NALF2: variants seen among roughly 807,000 people sequenced by gnomAD.
The protein encoded by NALF2 is NALCN channel auxiliary factor 2.
NALF2 carries 1 observed loss-of-function variant against 24.8 expected under a neutral mutation model. The ratio of observed to expected loss-of-function variants is 0.04; its 90% confidence interval spans 0.01 to 0.19. The LOEUF (loss-of-function observed/expected upper bound fraction) is 0.19, where lower values mean the gene tolerates loss of function less well. Ranked by LOEUF, NALF2 falls within the 10% of genes least tolerant of loss-of-function variation. The pLI is 1.00. For synonymous variants in NALF2, 254 were observed against 189.8 expected, an observed-to-expected ratio of 1.34 and a Z score of -2.78; for missense variants, 458 against 409.6, an observed-to-expected ratio of 1.12 and a Z score of -1.02.
chrX:69,508,135 T>C (rs1569257607), intron 1 of NALF2, among the ~76,000 whole-genome samples: 1 of 111,995 alleles, frequency 8.9e-6, no homozygotes, highest in Non-Finnish European at 1.9e-5. Context: ...TCATCCTTGC[T>C]CTGCCCACAT....
rs1438308196 is a variant in NALF2, at chrX:69,505,233, C to T, written c.-50C>T. The T allele has an allele frequency of 1.8e-6, 2 of 1,093,207 alleles. No homozygotes were observed. The highest frequency in any genetic ancestry group is 3.7e-5 in the Admixed American group (1 of 26,806). The allele number at this position is 1,093,207 out of a possible 1,213,427, so 90.1% of individuals were successfully genotyped here. A position where few individuals can be genotyped will look rare whatever the true frequency, so the allele number is the denominator to read the frequency against. On this transcript the variant is annotated 5_prime_UTR_variant, in exon 1 of 3. Coordinates refer to ENST00000252338, the MANE Select transcript of NALF2 (RefSeq NM_015686.3). The stretch of plus-strand genomic sequence containing the variant: ...GCGCAGCCCGCCCGCCCCAGACGGC[C>T]GTCTGGCCTCGCGCCTGCCTGTTCC...
chrX:69,524,443 A>G (rs1204719018), intron 1 of NALF2, among the ~76,000 whole-genome samples: 1 of 111,618 alleles, frequency 9.0e-6, no homozygotes, highest in East Asian at 2.8e-4. Flanking sequence ...ATATGCAGCC[A>G]GAGTTGAGAT....
At chrX:69,513,099 G>A (rs1304161059) in intron 1 of NALF2, among the ~76,000 whole-genome samples, 4 of 111,640 alleles carry the variant, frequency 3.6e-5, no homozygotes, top group Non-Finnish European at 5.6e-5. Flanking sequence ...TCGCCTGGAG[G>A]GAAGGTATCT....
At position 69,530,354 on chromosome X, in the gene NALF2, T is replaced by G; in HGVS notation, c.*398T>G. On this transcript the variant is annotated 3_prime_UTR_variant, in exon 3 of 3. Coordinates refer to ENST00000252338, the MANE Select transcript of NALF2 (RefSeq NM_015686.3). ...GGGGGGCACAGAGGGGAGAAGCTCT[T>G]TCCCCCACTCCACATTCCTTTTGTT... is the stretch of plus-strand genomic sequence containing the variant. The G allele has an allele frequency of 6.7e-6, 1 of 149,295 alleles. No homozygotes were observed. The highest frequency in any genetic ancestry group is 1.3e-5 in the Non-Finnish European group (1 of 76,768). 12.3% of individuals were successfully genotyped at this position (149,295 alleles called of 1,213,427 possible). A position where few individuals can be genotyped will look rare whatever the true frequency, so the allele number is the denominator to read the frequency against.
At chrX:69,525,050 A>G (rs1424846469) in intron 1 of NALF2, among the ~76,000 whole-genome samples, 1 of 110,352 alleles carries the variant, frequency 9.1e-6, no homozygotes, top group Non-Finnish European at 1.9e-5. Flanking sequence ...GAAAGGCCAC[A>G]CTCCCAATGT....
In NALF2 at chrX:69,505,241, C is replaced by T. The variant is rs1930440477; in HGVS notation, c.-42C>T. 9.0e-7 allele frequency: 1 copy of T among 1,107,550 alleles called. No homozygotes were observed. Among genetic ancestry groups the T allele is most frequent in the Non-Finnish European group, 1.2e-6 (1 of 846,800 alleles). The allele number at this position is 1,107,550 out of a possible 1,213,427, so 91.3% of individuals were successfully genotyped here. A position where few individuals can be genotyped will look rare whatever the true frequency, so the allele number is the denominator to read the frequency against. On this transcript the variant is annotated 5_prime_UTR_variant, in exon 1 of 3. Coordinates refer to ENST00000252338, the MANE Select transcript of NALF2 (RefSeq NM_015686.3). ...CGCCCGCCCCAGACGGCCGTCTGGC[C>T]TCGCGCCTGCCTGTTCCCTCCAGCC...
Position 69,505,206 on chromosome X carries a change from G to A in NALF2, c.-77G>A. The A allele has an allele frequency of 9.8e-7, 1 of 1,020,315 alleles. No individual in the cohort carries two copies. Among genetic ancestry groups the A allele is most frequent in the Non-Finnish European group, 1.3e-6 (1 of 775,423 alleles). The allele number at this position is 1,020,315 out of a possible 1,213,427, so 84.1% of individuals were successfully genotyped here. A position where few individuals can be genotyped will look rare whatever the true frequency, so the allele number is the denominator to read the frequency against. ...GGACGGCGCCGAGGAGCGCAGAGCGGCGCGCAGCCCGCCCGCCCCAGACGG... is the reference window on the plus strand; with the variant it reads ...GGACGGCGCCGAGGAGCGCAGAGCGACGCGCAGCCCGCCCGCCCCAGACGG... On this transcript the variant is annotated 5_prime_UTR_variant, in exon 1 of 3. Coordinates refer to ENST00000252338, the MANE Select transcript of NALF2 (RefSeq NM_015686.3).
In NALF2 at chrX:69,505,225, C is replaced by T. The variant is rs1229980297; in HGVS notation, c.-58C>T. 8 of 1,082,443 alleles carry T rather than the reference C, an allele frequency of 7.4e-6. No homozygotes were observed. The African/African-American group carries it at 8.0e-5, about 11-fold the overall frequency. The allele number at this position is 1,082,443 out of a possible 1,213,427, so 89.2% of individuals were successfully genotyped here. On this transcript the variant is annotated 5_prime_UTR_variant, in exon 1 of 3. Transcript: ENST00000252338. The stretch of plus-strand genomic sequence containing the variant: ...AGAGCGGCGCGCAGCCCGCCCGCCC[C>T]AGACGGCCGTCTGGCCTCGCGCCTG...
At chrX:69,526,091 G>A (rs1030868123) in intron 1 of NALF2, among the ~76,000 whole-genome samples, 2 of 112,131 alleles carry the variant, frequency 1.8e-5, no homozygotes, top group Non-Finnish European at 3.8e-5. Flanking sequence ...TCACTGGAGC[G>A]TTGTTCATAA....
At chrX:69,512,785 A>G (rs1196038134) in intron 1 of NALF2, among the ~76,000 whole-genome samples, 2 of 111,292 alleles carry the variant, frequency 1.8e-5, no homozygotes, top group African/African-American at 6.6e-5. Context: ...CAGTGCACAG[A>G]TGCATGAAGA....
intron 1 of NALF2, among the ~76,000 whole-genome samples, chrX:69,508,956 G>C (rs1323442980): frequency 8.9e-6 from 1 of 112,526 alleles, no homozygotes; most frequent in Non-Finnish European, 1.9e-5. Context: ...CCTGTACTGA[G>C]TGCATCAGTT....
At chrX:69,514,239 C>T (rs1193536754) in intron 1 of NALF2, among the ~76,000 whole-genome samples, 8 of 110,053 alleles carry the variant, frequency 7.3e-5, no homozygotes, top group Admixed American at 6.7e-4. Context: ...CTTCCAGCCC[C>T]TGGTAAGCAT....
chrX:69,517,052 G>T (rs1185789231), intron 1 of NALF2, among the ~76,000 whole-genome samples: 2 of 111,350 alleles, frequency 1.8e-5, no homozygotes, highest in Non-Finnish European at 3.8e-5. Flanking sequence ...GGCTTCAGTG[G>T]TTGTAGTGAA....
intron 2 of NALF2, 151 bp downstream of exon 2, chrX:69,529,315 G>T: frequency 1.3e-6 from 1 of 765,378 alleles, no homozygotes; most frequent in Non-Finnish European, 1.8e-6. Flanking sequence ...CCCAGGTTGG[G>T]ATAGGGCCAA....
chrX:69,526,064 T>G (rs1930803180), intron 1 of NALF2, among the ~76,000 whole-genome samples: 1 of 112,164 alleles, frequency 8.9e-6, no homozygotes, highest in Non-Finnish European at 1.9e-5. Context: ...GTGTGAGAGA[T>G]GTGTGTATAA....
intron 1 of NALF2, among the ~76,000 whole-genome samples, chrX:69,511,134 T>A (rs1930575838): frequency 9.2e-6 from 1 of 109,056 alleles, no homozygotes; most frequent in Admixed American, 9.7e-5. Context: ...CTGCCCCTCC[T>A]GACAGTTATC....
rs1930454294 is a variant in NALF2, at chrX:69,505,572, T to TGCC, written c.293_295dup (p.Pro98dup). ...CAGCCGGTGCCTCCTCGCGCGGTGC[T>TGCC]GCCGCTGCCGCCGCCGCCGCCCGGC... On this transcript the variant is annotated inframe_insertion, in exon 1 of 3. Transcript: ENST00000252338. The TGCC allele has an allele frequency of 9.9e-7, 1 of 1,009,383 alleles. No homozygotes were observed. Among genetic ancestry groups the TGCC allele is most frequent in the Non-Finnish European group, 1.2e-6 (1 of 805,789 alleles). 83.2% of individuals were successfully genotyped at this position (1,009,383 alleles called of 1,213,427 possible).
At chrX:69,518,405 CTATATA>C (rs1024085258) in intron 1 of NALF2, among the ~76,000 whole-genome samples, 1 of 109,748 alleles carries the variant, frequency 9.1e-6, no homozygotes. Context: ...CATGTACAAG[CTATATA>C]TATATATACA....
intron 1 of NALF2, among the ~76,000 whole-genome samples, chrX:69,512,942 C>T (rs1173707806): frequency 9.0e-6 from 1 of 111,549 alleles, no homozygotes; most frequent in Non-Finnish European, 1.9e-5. Context: ...AGATCCAAAA[C>T]GAGGACCCAC....
Sources: allele counts gnomAD v4.1 joint callset (sites outside exome capture counted in the v4.1 genomes callset), GRCh38; gene constraint gnomAD v4.1.1; transcripts MANE v1.5; gene names NCBI Gene and HGNC (gene_info 2026-07-23, HGNC 2026-07-21).